The following CCDC33 variants were observed in gnomAD, a reference collection of about 807,000 sequenced individuals.
CCDC33 encodes coiled-coil domain-containing protein 33.
CCDC33 carries 94 observed loss-of-function variants against 91.9 expected under a neutral mutation model. That is an observed-to-expected ratio of 1.02 (90% CI 0.87 to 1.21). The LOEUF is 1.21. CCDC33 is among the 50% of genes most tolerant of loss of function. The pLI is 0.00. For synonymous variants in CCDC33, 396 were observed against 374.5 expected (o/e 1.06, Z -0.66); for missense variants, 940 against 935.5 (o/e 1.00, Z -0.06).
At chr15:74,288,603 C>T (rs889893745) in intron 10 of CCDC33, among the ~76,000 whole-genome samples, 1 of 152,212 alleles carries the variant, frequency 6.6e-6, no homozygotes, top group Non-Finnish European at 1.5e-5. Context: ...CATCTTGCCT[C>T]CCTGCTGTTC....
intron 7 of CCDC33, among the ~76,000 whole-genome samples, chr15:74,274,823 T>C (rs1255696663): frequency 6.6e-6 from 1 of 152,242 alleles, no homozygotes; most frequent in Non-Finnish European, 1.5e-5. Flanking sequence ...TCCCAGTGCC[T>C]TTTGCATGTG....
chr15:74,314,517 C>T (rs962116946), intron 11 of CCDC33, among the ~76,000 whole-genome samples: 1 of 152,192 alleles, frequency 6.6e-6, no homozygotes, highest in Non-Finnish European at 1.5e-5. Flanking sequence ...AATGCAAACA[C>T]ACATTTCAGG....
intron 2 of CCDC33, among the ~76,000 whole-genome samples, chr15:74,254,744 C>CT (rs756927130): frequency 0.14 from 18,008 of 126,346 alleles, 1,746 homozygotes; most frequent in South Asian, 0.21. Context: ...TACCCTCCTT[C>CT]TTTTTTTTTT....
intron 11 of CCDC33, chr15:74,300,536 G>GGCCGTTGTCTCCGGCTGA (rs1207541650): frequency 6.6e-6 from 1 of 152,220 alleles, no homozygotes; most frequent in African/African-American, 2.4e-5. Context: ...CCTCACGCTG[G>GGCCGTTGTCTCCGGCTGA]GCCGTTGTCT....
chr15:74,234,734 A>G (rs544760026), upstream of CCDC33, among the ~76,000 whole-genome samples: 4 of 152,332 alleles, frequency 2.6e-5, no homozygotes, highest in Admixed American at 1.3e-4. Context: ...CAAGGAGGGT[A>G]GCTGGGTGAG....
rs1324357023 is a variant in CCDC33 at position 74,244,016 on chromosome 15, C to T, written c.53C>T (p.Ala18Val). Residue 18 changes from alanine (A) to valine (V), a missense_variant, in exon 2 of 19, where the codon GCC becomes GTC. Coordinates refer to ENST00000398814, the MANE Select transcript of CCDC33 (RefSeq NM_025055.5). The surrounding 1 kb of genome is among the most constrained non-coding windows in gnomAD (Gnocchi z 4.2). ...GAAGACCCAGAGGAGCCCCTGATCG[C>T]CTCCCAGAGCACGGAACCTGAGATC... ...NTEDPEEPLI[A>V]SQSTEPEIGH... 5 of 1,613,578 alleles carry T rather than the reference C, an allele frequency of 3.1e-6. No homozygotes were observed. Among genetic ancestry groups the T allele is most frequent in the African/African-American group, 1.3e-5 (1 of 74,850 alleles).
At chr15:74,241,949 T>G (rs1288922596) in intron 1 of CCDC33, among the ~76,000 whole-genome samples, 1 of 152,180 alleles carries the variant, frequency 6.6e-6, no homozygotes, top group Non-Finnish European at 1.5e-5. Context: ...AGGAGGGGTT[T>G]GAAGGGGAGT....
At chr15:74,326,440 C>T (rs1368580970) in intron 11 of CCDC33, among the ~76,000 whole-genome samples, 1 of 152,228 alleles carries the variant, frequency 6.6e-6, no homozygotes, top group African/African-American at 2.4e-5. Context: ...TCCACAGCAA[C>T]CCCCCTTGGG....
chr15:74,211,494 G>T (rs902242774), intron 2 of CCDC33, among the ~76,000 whole-genome samples: 2 of 149,416 alleles, frequency 1.3e-5, no homozygotes, highest in African/African-American at 4.9e-5. Flanking sequence ...TCCGCCTCCT[G>T]GGTTCAAGCG....
Position 74,218,767 on chromosome 15 carries a change from G to A in CCDC33, c.581G>A (p.Arg194Gln), listed in dbSNP as rs182048903. ...TACAGTGTGGCCTTCCACGTCCACC[G>A]GGGCCCTCAGCCTCCAGTCTCAGAC... Residue 194 changes from arginine (R) to glutamine (Q), a missense_variant, in exon 2 of 3, where the codon CGG (arginine) becomes CAG (glutamine). By Grantham distance (43) the Arg-to-Gln change is conservative. Transcript: ENST00000635913. The surrounding 1 kb of genome is among the most constrained non-coding windows in gnomAD (Gnocchi z 4.8). 7.4e-5 allele frequency: 96 copies of A among 1,289,290 alleles called. No individual in the cohort carries two copies. Among genetic ancestry groups the A allele is most frequent in the South Asian group, 2.3e-4 (19 of 80,968 alleles). The allele number at this position is 1,289,290 out of a possible 1,614,324, so 79.9% of individuals were successfully genotyped here.
At chr15:74,226,461 C>A (rs1190565543) in intron 2 of CCDC33, among the ~76,000 whole-genome samples, 1 of 152,148 alleles carries the variant, frequency 6.6e-6, no homozygotes. Context: ...CAACCCATCC[C>A]ACAAATGTCA....
chr15:74,297,869 G>A (rs2059718741), intron 11 of CCDC33, among the ~76,000 whole-genome samples: 1 of 152,176 alleles, frequency 6.6e-6, no homozygotes, highest in Non-Finnish European at 1.5e-5. Context: ...GGGCCAACCA[G>A]CCAACCCTCT....
chr15:74,206,110 TC>T (rs955620167), intron 1 of CCDC33, among the ~76,000 whole-genome samples: 8 of 152,076 alleles, frequency 5.3e-5, no homozygotes, highest in African/African-American at 1.9e-4. Flanking sequence ...TTGTGAACTC[TC>T]CCCACAAGGC....
chr15:74,306,503 T>C (rs997450472), intron 11 of CCDC33, among the ~76,000 whole-genome samples: 1 of 152,146 alleles, frequency 6.6e-6, no homozygotes, highest in Admixed American at 6.5e-5. Flanking sequence ...GCAAGAGGAA[T>C]CTGTTGATCT....
At chr15:74,333,788 A>C in intron 16 of CCDC33, 93 bp from the exon 17 acceptor site, 2 of 1,003,964 alleles carry the variant, frequency 2.0e-6, no homozygotes, top group Non-Finnish European at 3.0e-6. Flanking sequence ...CTCAGGCCTG[A>C]CTGGTTTCTT....
downstream of CCDC33, chr15:74,336,374 C>T: frequency 7.5e-7 from 1 of 1,333,018 alleles, no homozygotes; most frequent in Non-Finnish European, 9.8e-7. Context: ...GGAGAAGAAG[C>T]AAGGCCACCA....
At chr15:74,264,941 A>G (rs1176091131) in intron 3 of CCDC33, among the ~76,000 whole-genome samples, 1 of 152,166 alleles carries the variant, frequency 6.6e-6, no homozygotes, top group Non-Finnish European at 1.5e-5. Flanking sequence ...CTGACTTCAT[A>G]TCCCTTACCT....
At chr15:74,283,064 A>C (rs1287606763) in intron 10 of CCDC33, among the ~76,000 whole-genome samples, 1 of 152,130 alleles carries the variant, frequency 6.6e-6, no homozygotes, top group African/African-American at 2.4e-5. Flanking sequence ...GTGGGGTATG[A>C]GGAGTATATC....
chr15:74,335,210 C>T (rs1385162224), intron 18 of CCDC33, 122 bp downstream of exon 18: 1 of 821,912 alleles, frequency 1.2e-6, no homozygotes, highest in Admixed American at 1.7e-5. Flanking sequence ...GGCTGGGGGT[C>T]AGGAGTCCTA....
Sources: gnomAD v4.1 joint callset for allele counts (sites outside exome capture counted in the v4.1 genomes callset) on GRCh38, gnomAD v4.1.1 for gene constraint, Gnocchi (gnomAD v3.1) non-coding constraint, MANE v1.5 for transcripts, NCBI Gene and HGNC (gene_info 2026-07-23, HGNC 2026-07-21) for gene names.